Variants in ZBTB46 observed in about 807,000 individuals in gnomAD.
The protein encoded by ZBTB46 is zinc finger and BTB domain containing 46.
In ZBTB46, 8 loss-of-function variants were observed where a neutral mutation model predicts 44.1. The ratio of observed to expected loss-of-function variants is 0.18; its 90% CI spans 0.11 to 0.33. ZBTB46 has a LOEUF of 0.33. Ranked by LOEUF, ZBTB46 falls within the 10% of genes least tolerant of loss-of-function variation. The pLI, the probability that ZBTB46 is intolerant of heterozygous loss-of-function variation, is 1.00. For missense variants in ZBTB46, 651 were observed against 847.7 expected, an observed-to-expected ratio of 0.77 and a Z score of 2.88; for synonymous variants, 409 against 382.3, an observed-to-expected ratio of 1.07 and a Z score of -0.81.
At position 63,767,934 on chromosome 20, in the gene ZBTB46, T is replaced by C. The variant is rs909572960; in HGVS notation, c.1222+7744A>G. The C allele has an allele frequency of 2.0e-6, 2 of 985,394 alleles. No homozygotes were observed. The highest frequency in any genetic ancestry group is 1.2e-6 in the Non-Finnish European group (1 of 829,914). The allele number at this position is 985,394 out of a possible 1,614,324, so 61.0% of individuals were successfully genotyped here. A position where few individuals can be genotyped will look rare whatever the true frequency, so the allele number is the denominator to read the frequency against. On this transcript the variant is annotated intron_variant, in intron 3 of 4. Transcript: ENST00000245663. This position sits in a 1 kb window ranked among gnomAD's most constrained non-coding sequence, Gnocchi z 5.0. ...CCCTCATGCCAGCGGGAGCCAACTC[T>C]GGAAGAGGACTGCTCCGCCCAGCTC...
At chr20:63,760,692 C>T (rs561369738) in intron 3 of ZBTB46, among the ~76,000 whole-genome samples, 33 of 152,250 alleles carry the variant, frequency 2.2e-4, no homozygotes, top group Non-Finnish European at 3.7e-4. Context: ...CTCCTGACCT[C>T]GTGATCCGCC....
intron 1 of ZBTB46, among the ~76,000 whole-genome samples, chr20:63,793,436 C>G (rs1306397580): frequency 1.3e-5 from 2 of 152,204 alleles, no homozygotes; most frequent in Non-Finnish European, 2.9e-5. Flanking sequence ...CCCAGGAAAA[C>G]AACCATTCAA....
Position 63,767,135 on chromosome 20 carries a change from C to T in ZBTB46, c.1222+8543G>A, listed in dbSNP as rs1024017265. On this transcript the variant is annotated intron_variant, in intron 3 of 4. Transcript: ENST00000245663. The surrounding 1 kb of genome is among the most constrained non-coding windows in gnomAD (Gnocchi z 5.0). ...ACATTCCCGTAATTCCACGCCGACACGTGGAGCGCCGCGCACATGCCAGGC... is the reference window on the plus strand; with the variant it reads ...ACATTCCCGTAATTCCACGCCGACATGTGGAGCGCCGCGCACATGCCAGGC... 5.3e-5 allele frequency among the ~76,000 whole-genome samples: 8 copies of T among 152,220 alleles called. No individual in the cohort carries two copies. Among genetic ancestry groups the T allele is most frequent in the African/African-American group, 1.7e-4 (7 of 41,460 alleles).
intron 1 of ZBTB46, among the ~76,000 whole-genome samples, chr20:63,815,638 GGTACAGGTGGGCATAGGTGCAGTGA>G (rs2092747336): frequency 2.0e-5 from 3 of 149,388 alleles, no homozygotes; most frequent in South Asian, 4.3e-4. Context: ...AGGTGCAGTG[GGTACAGGTGGGCATAGGTGCAGTGA>G]GTGCAGGTGG....
intron 1 of ZBTB46, among the ~76,000 whole-genome samples, chr20:63,817,652 G>T (rs2092767195): frequency 6.6e-6 from 1 of 150,870 alleles, no homozygotes; most frequent in Non-Finnish European, 1.5e-5. Flanking sequence ...GGAGGTGGAG[G>T]CTGCAGTGAG....
intron 1 of ZBTB46, chr20:63,816,276 AGCTGCCCC>A: frequency 4.5e-6 from 1 of 221,306 alleles, no homozygotes; most frequent in South Asian, 4.7e-5. Flanking sequence ...CGCAACACTC[AGCTGCCCC>A]TCTTGGCTCC....
intron 2 of ZBTB46, among the ~76,000 whole-genome samples, chr20:63,786,023 A>T (rs1353172813): frequency 6.6e-6 from 1 of 152,192 alleles, no homozygotes; most frequent in Non-Finnish European, 1.5e-5. Context: ...TCATAATACA[A>T]AGGCCTCCAG....
intron 1 of ZBTB46, chr20:63,816,282 C>A: frequency 4.5e-6 from 1 of 220,382 alleles, no homozygotes; most frequent in Non-Finnish European, 9.4e-6. Context: ...ACTCAGCTGC[C>A]CCTCTTGGCT....
At chr20:63,758,968 G>A (rs568478797) in intron 3 of ZBTB46, among the ~76,000 whole-genome samples, 1 of 152,186 alleles carries the variant, frequency 6.6e-6, no homozygotes. Context: ...TCCTGACCTC[G>A]TGATCCGGCC....
Position 63,828,548 on chromosome 20 carries a change from A to G in ZBTB46, c.-34+2549T>C, listed in dbSNP as rs186398931. ...AAACCAGTAGAGGGAAGTATCAACC[A>G]TCACTCAAGGTCACTCATGAGACTT... On this transcript the variant is annotated intron_variant, in intron 1 of 4. Transcript: ENST00000245663. Among the ~76,000 whole-genome samples the G allele has an allele frequency of 3.9e-5, 6 of 152,356 alleles. No individual in the cohort carries two copies. In the East Asian group the frequency reaches 7.7e-4, roughly 20 times the overall value.
At position 63,789,928 on chromosome 20, in the gene ZBTB46, T is replaced by C. The variant is rs756849167; in HGVS notation, c.830A>G (p.Glu277Gly). Residue 277 changes from glutamate to glycine, a missense_variant, in exon 2 of 5, where the codon GAG becomes GGG. Physicochemically the swap from Glu to Gly is moderately conservative, Grantham distance 98. Transcript: ENST00000245663. ...CTGCTGTGTGATGTGCCGGACGGTC[T>C]CTTTGTTTTTCCGATTCTTCCTTCG... ...TGRRKNRKNK[E>G]TVRHITQQVE... The C allele has an allele frequency of 2.5e-6, 4 of 1,614,120 alleles. No individual in the cohort carries two copies. The East Asian group carries it at 8.9e-5, about 36-fold the overall frequency.
intron 3 of ZBTB46, among the ~76,000 whole-genome samples, chr20:63,771,337 C>G (rs912608116): frequency 6.6e-6 from 1 of 152,132 alleles, no homozygotes; most frequent in African/African-American, 2.4e-5. Context: ...CAGTCACCCC[C>G]ACATTCAGCA....
intron 2 of ZBTB46, among the ~76,000 whole-genome samples, chr20:63,784,862 G>A (rs998136314): frequency 2.0e-5 from 3 of 152,198 alleles, no homozygotes; most frequent in African/African-American, 7.2e-5. Flanking sequence ...GGTCACCAGG[G>A]GCCGGGATGA....
Position 63,793,661 on chromosome 20 carries a change from T to TCACAGAAGCAGCAGC in ZBTB46, c.-33-2872_-33-2871insGCTGCTGCTTCTGTG, listed in dbSNP as rs1188769657. ...AACAACAAAAAAAATGCCAGAGATT[T>TCACAGAAGCAGCAGC]TATAGAAGCAGCGGCTACCTCACAA... On this transcript the variant is annotated intron_variant, in intron 1 of 4. Coordinates refer to ENST00000245663, the MANE Select transcript of ZBTB46 (RefSeq NM_001369741.1). Among the ~76,000 whole-genome samples the TCACAGAAGCAGCAGC allele has an allele frequency of 1.9e-3, 286 of 152,030 alleles. 1 individual carries two copies. Among genetic ancestry groups the TCACAGAAGCAGCAGC allele is most frequent in the African/African-American group, 6.7e-3 (276 of 41,370 alleles).
chr20:63,760,510 G>A (rs544693859), intron 3 of ZBTB46, among the ~76,000 whole-genome samples: 1 of 151,488 alleles, frequency 6.6e-6, no homozygotes, highest in East Asian at 1.9e-4. Flanking sequence ...CTGTTGCCCA[G>A]GCTGGAGTGC....
chr20:63,828,263 C>T (rs114205552), intron 1 of ZBTB46, among the ~76,000 whole-genome samples: 1 of 152,258 alleles, frequency 6.6e-6, no homozygotes, highest in Non-Finnish European at 1.5e-5. Context: ...CCCATGGACC[C>T]CATGGCCTAA....
chr20:63,761,637 C>A (rs1045918135), intron 3 of ZBTB46, among the ~76,000 whole-genome samples: 1 of 151,934 alleles, frequency 6.6e-6, no homozygotes, highest in South Asian at 2.1e-4. Flanking sequence ...CAAAAATTAT[C>A]CAGGCGTGGT....
At chr20:63,831,478 A>AG (rs2092852108), upstream of ZBTB46, among the ~76,000 whole-genome samples, 1 of 143,626 alleles carries the variant, frequency 7.0e-6, no homozygotes, top group Admixed American at 6.8e-5. Flanking sequence ...GCGGGGTCGC[A>AG]GGGGGCCGCG....
chr20:63,830,146 T>G (rs1413308165), intron 1 of ZBTB46, among the ~76,000 whole-genome samples: 1 of 152,246 alleles, frequency 6.6e-6, no homozygotes, highest in Non-Finnish European at 1.5e-5. Context: ...CCATCTGGTC[T>G]GTACCCTGGC....
Sources: allele counts gnomAD v4.1 joint callset (sites outside exome capture counted in the v4.1 genomes callset), GRCh38; gene constraint gnomAD v4.1.1; non-coding constraint Gnocchi (gnomAD v3.1); transcripts MANE v1.5; gene names NCBI Gene and HGNC (gene_info 2026-07-23, HGNC 2026-07-21).